The following SYNPO2 variants were observed in gnomAD, a reference collection of about 807,000 sequenced individuals.
SYNPO2 encodes synaptopodin 2.
SYNPO2 carries 56 observed loss-of-function variants against 85.0 expected under a neutral mutation model. The observed-to-expected ratio is 0.66, with a 90% CI of 0.53 to 0.82. SYNPO2 has a LOEUF of 0.82. SYNPO2 is among the 40% of genes least tolerant of loss of function. The probability of loss-of-function intolerance (pLI) is 0.00; values close to 1 mark genes in which losing one functional copy is unlikely to be tolerated. For missense variants in SYNPO2, 1,575 were observed against 1,534.2 expected (o/e 1.03, Z -0.44); for synonymous variants, 602 against 591.1 (o/e 1.02, Z -0.27).
chr4:118,941,764 C>T (rs770109355), intron 1 of SYNPO2, among the ~76,000 whole-genome samples: 1 of 152,276 alleles, frequency 6.6e-6, no homozygotes, highest in Middle Eastern at 3.4e-3. Flanking sequence ...TTACATTTCC[C>T]GAAAGGAGGA....
At position 118,998,261 on chromosome 4, in the gene SYNPO2, C is replaced by T. The variant is rs537316966; in HGVS notation, c.106-25169C>T. Among the ~76,000 whole-genome samples the T allele has an allele frequency of 1.2e-3, 186 of 152,206 alleles. 2 individuals are homozygous for T. The highest frequency in any genetic ancestry group is 4.2e-3 in the African/African-American group (173 of 41,516). On this transcript the variant is annotated intron_variant, in intron 1 of 4. Coordinates refer to ENST00000307142, the MANE Select transcript of SYNPO2 (RefSeq NM_133477.3). ...GTTTGAAAGTATGAATTTAAGAGAG[C>T]GCTCAAGGATGAAGCATTATTTGTA... is the stretch of plus-strand genomic sequence containing the variant.
At chr4:118,977,180 C>A (rs2149160524) in intron 1 of SYNPO2, among the ~76,000 whole-genome samples, 1 of 152,306 alleles carries the variant, frequency 6.6e-6, no homozygotes. Context: ...GGCTGCAGGT[C>A]CCAAGGCCTG....
intron 1 of SYNPO2, among the ~76,000 whole-genome samples, chr4:118,867,250 T>C (rs1731714582): frequency 6.6e-6 from 1 of 152,190 alleles, no homozygotes. Flanking sequence ...GTATCTAATA[T>C]ATTGACTTCA....
At chr4:118,903,021 C>T (rs1732809882) in intron 1 of SYNPO2, among the ~76,000 whole-genome samples, 1 of 152,136 alleles carries the variant, frequency 6.6e-6, no homozygotes, top group African/African-American at 2.4e-5. Flanking sequence ...TTAAGACTTA[C>T]TGTGTAACTT....
At chr4:119,043,935 C>A (rs1015812565) in intron 4 of SYNPO2, 5 of 33,102 alleles carry the variant, frequency 1.5e-4, no homozygotes, top group Admixed American at 6.6e-4. Context: ...CAGACTCCGT[C>A]TCAAAAAAAA....
chr4:118,974,511 G>T (rs769934909), intron 1 of SYNPO2, among the ~76,000 whole-genome samples: 13 of 152,164 alleles, frequency 8.5e-5, no homozygotes, highest in Non-Finnish European at 1.3e-4. Context: ...ATCCCTAATT[G>T]ATATGTTCAG....
At chr4:118,996,069 C>T (rs970855746) in intron 1 of SYNPO2, among the ~76,000 whole-genome samples, 3 of 152,130 alleles carry the variant, frequency 2.0e-5, no homozygotes, top group Non-Finnish European at 4.4e-5. Flanking sequence ...CTCCATTATG[C>T]GGCATACACA....
intron 1 of SYNPO2, among the ~76,000 whole-genome samples, chr4:118,873,034 TTG>T (rs1003771969): frequency 6.6e-6 from 1 of 152,052 alleles, no homozygotes; most frequent in Non-Finnish European, 1.5e-5. Flanking sequence ...TAGTATTCCA[TTG>T]TGTGTGTGTA....
rs373144800 is a variant in SYNPO2 at position 118,900,703 on chromosome 4, CTATATATATATATA to C, written c.105+11578_105+11591del. ...TCTCTCTCTCTCTCTCTCTCTCTCTCTATATATATATATATATATATATATATATGTCTGTCTGT... is the reference window on the plus strand; with the variant it reads ...TCTCTCTCTCTCTCTCTCTCTCTCTCTATATATATATATATGTCTGTCTGT... On this transcript the variant is annotated intron_variant, in intron 1 of 4. Coordinates refer to ENST00000307142, the MANE Select transcript of SYNPO2 (RefSeq NM_133477.3). Among the ~76,000 whole-genome samples the C allele has an allele frequency of 5.9e-4, 26 of 43,896 alleles. No individual in the cohort carries two copies. In the South Asian group the frequency reaches 0.016, roughly 27 times the overall value. The allele number at this position is 43,896 out of a possible 152,430, so 28.8% of individuals were successfully genotyped here.
At chr4:119,005,272 T>A (rs1560969442) in intron 1 of SYNPO2, among the ~76,000 whole-genome samples, 1 of 152,340 alleles carries the variant, frequency 6.6e-6, no homozygotes, top group Non-Finnish European at 1.5e-5. Context: ...TTGCCATTGC[T>A]TTTGGCGTTT....
intron 1 of SYNPO2, among the ~76,000 whole-genome samples, chr4:118,942,909 C>G (rs1734363610): frequency 6.6e-6 from 1 of 151,636 alleles, no homozygotes; most frequent in Non-Finnish European, 1.5e-5. Flanking sequence ...GAGTTCGAGA[C>G]CATCCTGGCC....
chr4:119,016,811 C>T (rs545152749), intron 1 of SYNPO2, among the ~76,000 whole-genome samples: 1 of 152,262 alleles, frequency 6.6e-6, no homozygotes, highest in Non-Finnish European at 1.5e-5. Context: ...TATAACAGCT[C>T]ATAGCAGTTA....
intron 1 of SYNPO2, among the ~76,000 whole-genome samples, chr4:118,988,792 C>G (rs1026127468): frequency 2.0e-5 from 3 of 152,094 alleles, no homozygotes; most frequent in Non-Finnish European, 4.4e-5. Flanking sequence ...AGCACAGTGC[C>G]GGCATCTCTG....
chr4:118,918,451 T>C (rs1185239019), intron 1 of SYNPO2, among the ~76,000 whole-genome samples: 4 of 152,186 alleles, frequency 2.6e-5, no homozygotes, highest in Non-Finnish European at 5.9e-5. Flanking sequence ...TATGTTCAAA[T>C]AGAAATGGAA....
At chr4:118,986,067 C>A (rs778108508) in intron 1 of SYNPO2, among the ~76,000 whole-genome samples, 32 of 152,110 alleles carry the variant, frequency 2.1e-4, no homozygotes, top group Admixed American at 1.6e-3. Flanking sequence ...TGAAAGAAAC[C>A]TTCTTCCCCT....
chr4:118,897,514 A>G (rs1025625961), intron 1 of SYNPO2, among the ~76,000 whole-genome samples: 1 of 152,196 alleles, frequency 6.6e-6, no homozygotes, highest in African/African-American at 2.4e-5. Context: ...ATCTGTAATC[A>G]TGACCAATGA....
At chr4:119,038,397 T>A in intron 4 of SYNPO2, 1 of 984,824 alleles carries the variant, frequency 1.0e-6, no homozygotes. Flanking sequence ...TTTACAGCAA[T>A]GTTGTGTGAC....
intron 1 of SYNPO2, among the ~76,000 whole-genome samples, chr4:119,006,569 C>T (rs540726914): frequency 9.2e-4 from 140 of 152,254 alleles, no homozygotes; most frequent in African/African-American, 3.2e-3. Flanking sequence ...ATTTGTGGTA[C>T]TTATCCCATT....
chr4:118,953,489 G>C (rs1001805421), intron 1 of SYNPO2, among the ~76,000 whole-genome samples: 5 of 152,060 alleles, frequency 3.3e-5, no homozygotes. Flanking sequence ...CTATTTGAAT[G>C]AGTTAATGAC....
Sources: allele counts gnomAD v4.1 joint callset (sites outside exome capture counted in the v4.1 genomes callset), GRCh38; gene constraint gnomAD v4.1.1; transcripts MANE v1.5; gene names NCBI Gene and HGNC (gene_info 2026-07-23, HGNC 2026-07-21).